GALNT13: variants seen among roughly 807,000 people sequenced by gnomAD.
GALNT13 encodes the protein polypeptide N-acetylgalactosaminyltransferase 13, also known as UDP-GalNAc:polypeptide N-acetylgalactosaminyltransferase 13.
GALNT13 carries 28 observed loss-of-function variants against 64.2 expected under a neutral mutation model. The ratio of observed to expected loss-of-function variants is 0.44; its 90% CI spans 0.32 to 0.60. GALNT13 has a LOEUF of 0.60. GALNT13 is among the 20% of genes least tolerant of loss of function. The probability of loss-of-function intolerance (pLI) is 0.05; values close to 1 mark genes in which losing one functional copy is unlikely to be tolerated. For missense variants in GALNT13, 577 were observed against 669.8 expected, an observed-to-expected ratio of 0.86 and a Z score of 1.53; for synonymous variants, 214 against 224.6, an observed-to-expected ratio of 0.95 and a Z score of 0.42.
intron 8 of GALNT13, among the ~76,000 whole-genome samples, chr2:154,291,126 G>A (rs1692604012): frequency 6.6e-6 from 1 of 152,028 alleles, no homozygotes; most frequent in Admixed American, 6.5e-5. Context: ...GGCTTGGGTG[G>A]CCTTTTATTC....
chr2:153,479,567 A>G, the GALNT13 span, among the ~76,000 whole-genome samples: 1 of 152,182 alleles, frequency 6.6e-6, no homozygotes, highest in African/African-American at 2.4e-5. Context: ...AAGGAGGTGA[A>G]CAGAGTGACC....
the GALNT13 span, among the ~76,000 whole-genome samples, chr2:153,166,197 C>A: frequency 6.6e-6 from 1 of 152,054 alleles, no homozygotes; most frequent in Non-Finnish European, 1.5e-5. Flanking sequence ...GTGTTCATAC[C>A]TTTGTACAAT....
At chr2:153,503,858 A>G in the GALNT13 span, among the ~76,000 whole-genome samples, 1 of 152,090 alleles carries the variant, frequency 6.6e-6, no homozygotes, top group African/African-American at 2.4e-5. Context: ...GTCTTGCTTT[A>G]GCTCTGCAGG....
the GALNT13 span, among the ~76,000 whole-genome samples, chr2:153,142,518 G>A: frequency 2.0e-5 from 3 of 151,972 alleles, no homozygotes; most frequent in South Asian, 2.1e-4. Context: ...GTGGTATAAC[G>A]TATATTATCT....
chr2:153,735,315 T>C, the GALNT13 span, among the ~76,000 whole-genome samples: 91 of 152,118 alleles, frequency 6.0e-4, no homozygotes, highest in Non-Finnish European at 6.6e-4. Context: ...TATATACTTT[T>C]CCCCCCAAGA....
chr2:153,758,450 G>A, the GALNT13 span, among the ~76,000 whole-genome samples: 35,524 of 151,802 alleles, frequency 0.23, 4,466 homozygotes, highest in Non-Finnish European at 0.28. Context: ...TTGTTTCAGG[G>A]TGCAAGATTG....
chr2:153,247,728 A>G, the GALNT13 span, among the ~76,000 whole-genome samples: 1 of 152,168 alleles, frequency 6.6e-6, no homozygotes, highest in East Asian at 1.9e-4. Context: ...GCAGAAATGA[A>G]GGAGATAGAG....
chr2:153,245,148 TCCTGGGACAGGGAA>T, the GALNT13 span, among the ~76,000 whole-genome samples: 2 of 152,244 alleles, frequency 1.3e-5, no homozygotes, highest in Non-Finnish European at 2.9e-5. Context: ...GCTCTCATCT[TCCTGGGACAGGGAA>T]CCTGGGACAG....
At chr2:154,285,993 A>C (rs1692242834) in intron 8 of GALNT13, among the ~76,000 whole-genome samples, 1 of 152,194 alleles carries the variant, frequency 6.6e-6, no homozygotes, top group African/African-American at 2.4e-5. Context: ...TTTTTAAGAT[A>C]GCTCATTATT....
At chr2:154,259,970 C>T (rs571610413) in intron 8 of GALNT13, among the ~76,000 whole-genome samples, 1 of 152,112 alleles carries the variant, frequency 6.6e-6, no homozygotes, top group Non-Finnish European at 1.5e-5. Flanking sequence ...GCAGCCTAGA[C>T]CTCCAGGGCT....
chr2:153,558,351 T>C, the GALNT13 span, among the ~76,000 whole-genome samples: 2 of 152,156 alleles, frequency 1.3e-5, no homozygotes, highest in African/African-American at 4.8e-5. Context: ...CCACTCCATA[T>C]ATCCTTAGTG....
chr2:153,441,080 G>T, the GALNT13 span, among the ~76,000 whole-genome samples: 1 of 152,086 alleles, frequency 6.6e-6, no homozygotes, highest in Non-Finnish European at 1.5e-5. Flanking sequence ...TATGGTTTTA[G>T]GTTTTGCATT....
intron 3 of GALNT13, among the ~76,000 whole-genome samples, chr2:153,988,516 G>T (rs1222116146): frequency 6.6e-6 from 1 of 151,788 alleles, no homozygotes; most frequent in Non-Finnish European, 1.5e-5. Flanking sequence ...TTTTTTTGAG[G>T]CTGAATAGTA....
At chr2:154,313,733 G>T (rs1484171585) in intron 9 of GALNT13, among the ~76,000 whole-genome samples, 1 of 152,076 alleles carries the variant, frequency 6.6e-6, no homozygotes, top group Non-Finnish European at 1.5e-5. Context: ...GATTACAGGT[G>T]TGAGCCATCA....
At chr2:153,077,592 T>G in the GALNT13 span, among the ~76,000 whole-genome samples, 4 of 152,224 alleles carry the variant, frequency 2.6e-5, no homozygotes, top group Non-Finnish European at 5.9e-5. Context: ...TAGCTGAGGT[T>G]AAGTTTTGTT....
At chr2:153,106,297 A>G in the GALNT13 span, among the ~76,000 whole-genome samples, 1 of 152,094 alleles carries the variant, frequency 6.6e-6, no homozygotes, top group Admixed American at 6.6e-5. Flanking sequence ...CATATCTCTG[A>G]ACATAGATCA....
At chr2:154,301,318 C>A in intron 8 of GALNT13, 91 bp from the exon 9 acceptor site, 1 of 1,099,572 alleles carries the variant, frequency 9.1e-7, no homozygotes, top group Non-Finnish European at 1.3e-6. Context: ...TTGCTTGAAA[C>A]ATGTAAAATA....
At chr2:153,850,768 G>C in the GALNT13 span, among the ~76,000 whole-genome samples, 3 of 152,160 alleles carry the variant, frequency 2.0e-5, no homozygotes, top group Admixed American at 2.0e-4. Flanking sequence ...AAAGGCACTG[G>C]ATGAGATTAG....
chr2:153,445,077 T>C, the GALNT13 span, among the ~76,000 whole-genome samples: 1 of 152,198 alleles, frequency 6.6e-6, no homozygotes, highest in Non-Finnish European at 1.5e-5. Context: ...ATCATTGAAC[T>C]TTTAGCCATG....
Sources: allele counts gnomAD v4.1 joint callset (sites outside exome capture counted in the v4.1 genomes callset), GRCh38; gene constraint gnomAD v4.1.1; transcripts MANE v1.5; gene names NCBI Gene and HGNC (gene_info 2026-07-23, HGNC 2026-07-21).